MYO1D: variants seen among roughly 807,000 people sequenced by gnomAD.
MYO1D encodes unconventional myosin-Id.
In MYO1D, 83 loss-of-function variants were observed where a neutral mutation model predicts 122.0. The observed-to-expected ratio is 0.68, with a 90% CI of 0.57 to 0.82. MYO1D has a LOEUF of 0.82. Ranked by LOEUF, MYO1D falls within the 40% of genes least tolerant of loss-of-function variation. The probability of loss-of-function intolerance (pLI) is 0.00; values close to 1 mark genes in which losing one functional copy is unlikely to be tolerated. For synonymous variants in MYO1D, 464 were observed against 446.9 expected (o/e 1.04, Z -0.48); for missense variants, 1,157 against 1,269.5 (o/e 0.91, Z 1.35).
At chr17:32,667,132 G>A (rs2088647947) in intron 16 of MYO1D, among the ~76,000 whole-genome samples, 1 of 152,156 alleles carries the variant, frequency 6.6e-6, no homozygotes, top group Non-Finnish European at 1.5e-5. Context: ...TGAACTCTGA[G>A]CAAATTATAA....
At chr17:32,511,354 G>T (rs547056293) in intron 21 of MYO1D, among the ~76,000 whole-genome samples, 19 of 152,120 alleles carry the variant, frequency 1.2e-4, no homozygotes, top group African/African-American at 4.6e-4. Flanking sequence ...CACCTGAGAT[G>T]CTGGGACTAC....
In MYO1D at chr17:32,494,904, T is replaced by G; in HGVS notation, c.2876A>C (p.His959Pro). Reference protein sequence around the residue: ...LVNHFKSEKRHLQVNVTNPVQ... With the variant: ...LVNHFKSEKRPLQVNVTNPVQ... ...TGGGTTGGTGACGTTCACTTGAAGGTGGCGCTTCTCACTGCAGGAACCAAA... is the reference window on the plus strand; with the variant it reads ...TGGGTTGGTGACGTTCACTTGAAGGGGGCGCTTCTCACTGCAGGAACCAAA... The change falls in exon 22 of 22, where the codon CAC (histidine) becomes CCC (proline). Residue 959 changes from histidine (H) to proline (P), a missense_variant. Physicochemically the swap from His to Pro is moderately conservative, Grantham distance 77. Transcript: ENST00000318217. The G allele has an allele frequency of 1.9e-6, 3 of 1,600,332 alleles. No individual in the cohort carries two copies. Among genetic ancestry groups the G allele is most frequent in the Middle Eastern group, 1.7e-4 (1 of 6,012 alleles).
At chr17:32,790,270 TTA>T (rs2090336687) in intron 1 of MYO1D, among the ~76,000 whole-genome samples, 1 of 152,180 alleles carries the variant, frequency 6.6e-6, no homozygotes, top group Non-Finnish European at 1.5e-5. Flanking sequence ...ATGGGAAACT[TTA>T]ATCTCAAGCC....
chr17:32,586,008 G>A (rs2087384406), intron 21 of MYO1D, among the ~76,000 whole-genome samples: 3 of 152,148 alleles, frequency 2.0e-5, no homozygotes, highest in Non-Finnish European at 2.9e-5. Flanking sequence ...ACGTGTCAAG[G>A]AGAAGCTAAA....
chr17:32,517,683 G>A (rs1443881070), intron 21 of MYO1D, among the ~76,000 whole-genome samples: 3 of 152,146 alleles, frequency 2.0e-5, no homozygotes, highest in Admixed American at 6.5e-5. Flanking sequence ...AGAAGAGCTG[G>A]CCCCGCTTTG....
At chr17:32,743,190 A>C (rs964490861) in intron 13 of MYO1D, among the ~76,000 whole-genome samples, 1 of 151,692 alleles carries the variant, frequency 6.6e-6, no homozygotes, top group African/African-American at 2.4e-5. Context: ...AGTCTTTTTA[A>C]CCTCTTCTCT....
intron 21 of MYO1D, among the ~76,000 whole-genome samples, chr17:32,540,278 C>T (rs12948512): frequency 0.15 from 21,014 of 136,722 alleles, 1,594 homozygotes; most frequent in Middle Eastern, 0.25. Flanking sequence ...TGCAGCGAGC[C>T]GAGATCGCGT....
intron 17 of MYO1D, among the ~76,000 whole-genome samples, chr17:32,655,862 G>A (rs369240951): frequency 6.6e-6 from 1 of 152,204 alleles, no homozygotes; most frequent in South Asian, 2.1e-4. Context: ...ACATGCTAGA[G>A]TAAGGTGGCT....
At chr17:32,848,940 C>A (rs1169046019) in intron 1 of MYO1D, among the ~76,000 whole-genome samples, 1 of 152,080 alleles carries the variant, frequency 6.6e-6, no homozygotes. Flanking sequence ...CGTACCTGTG[C>A]AAAGTTACAT....
intron 21 of MYO1D, among the ~76,000 whole-genome samples, chr17:32,572,183 T>TTTTTTTTTTTTTTTTTTGAG (rs2087236609): frequency 1.3e-5 from 2 of 151,962 alleles, no homozygotes; most frequent in African/African-American, 4.8e-5. Flanking sequence ...TCCCATTTTC[T>TTTTTTTTTTTTTTTTTTGAG]AAGGTGCTGA....
chr17:32,709,960 T>C (rs572995849), intron 16 of MYO1D, among the ~76,000 whole-genome samples: 2 of 152,240 alleles, frequency 1.3e-5, no homozygotes, highest in East Asian at 3.9e-4. Flanking sequence ...ATGATTTAAG[T>C]AAACCTATAT....
At chr17:32,710,002 G>A (rs2089355128) in intron 16 of MYO1D, among the ~76,000 whole-genome samples, 1 of 152,056 alleles carries the variant, frequency 6.6e-6, no homozygotes. Flanking sequence ...TAATATTGTA[G>A]AAATGTTAAT....
At chr17:32,662,646 C>G (rs551510407) in intron 16 of MYO1D, among the ~76,000 whole-genome samples, 1 of 152,036 alleles carries the variant, frequency 6.6e-6, no homozygotes, top group Non-Finnish European at 1.5e-5. Flanking sequence ...GCATTGCAGC[C>G]TGGGTGACAG....
intron 20 of MYO1D, among the ~76,000 whole-genome samples, chr17:32,634,407 G>A (rs531871850): frequency 2.0e-4 from 30 of 152,344 alleles, no homozygotes; most frequent in African/African-American, 5.5e-4. Context: ...CTGTACGGAG[G>A]AAGATGTTAC....
intron 16 of MYO1D, among the ~76,000 whole-genome samples, chr17:32,663,781 C>A (rs1418023543): frequency 6.6e-6 from 1 of 152,232 alleles, no homozygotes; most frequent in Non-Finnish European, 1.5e-5. Flanking sequence ...CACCTTTATA[C>A]TGAATGTAGC....
intron 15 of MYO1D, among the ~76,000 whole-genome samples, chr17:32,715,019 A>G (rs2089425089): frequency 6.6e-6 from 1 of 152,204 alleles, no homozygotes; most frequent in Non-Finnish European, 1.5e-5. Context: ...ATAAACAGAC[A>G]CTTCTCAAAA....
intron 21 of MYO1D, among the ~76,000 whole-genome samples, chr17:32,576,027 G>A (rs1327625523): frequency 1.3e-5 from 2 of 152,106 alleles, no homozygotes; most frequent in African/African-American, 4.8e-5. Context: ...ACTAAAAGCT[G>A]TATATTTGAC....
chr17:32,824,643 C>A (rs557537065), intron 1 of MYO1D, among the ~76,000 whole-genome samples: 1 of 152,270 alleles, frequency 6.6e-6, no homozygotes, highest in South Asian at 2.1e-4. Context: ...TCTGAGGTCC[C>A]CCGGCTTAGT....
chr17:32,711,870 G>T, intron 16 of MYO1D, 118 bp downstream of exon 16: 1 of 837,280 alleles, frequency 1.2e-6, no homozygotes, highest in Non-Finnish European at 1.8e-6. Flanking sequence ...TTTAAGATAT[G>T]CATAGACATA....
Sources: allele counts gnomAD v4.1 joint callset (sites outside exome capture counted in the v4.1 genomes callset), GRCh38; gene constraint gnomAD v4.1.1; transcripts MANE v1.5; gene names NCBI Gene and HGNC (gene_info 2026-07-23, HGNC 2026-07-21).